RPS6KC1: variants seen among roughly 807,000 people sequenced by gnomAD.
The protein encoded by RPS6KC1 is ribosomal protein S6 kinase C1, also known as inactive ribosomal protein S6 kinase delta-1.
A neutral mutation model predicts 103.8 loss-of-function variants in RPS6KC1; 54 were observed. The observed-to-expected ratio is 0.52, with a 90% CI of 0.42 to 0.65. The LOEUF is 0.65. RPS6KC1 is among the 30% of genes least tolerant of loss of function. The pLI is 0.00. For missense variants in RPS6KC1, 1,151 were observed against 1,253.8 expected (o/e 0.92, Z 1.24); for synonymous variants, 439 against 438.7 (o/e 1.00, Z -0.01).
the RPS6KC1 span, among the ~76,000 whole-genome samples, chr1:213,585,190 A>G: frequency 4.6e-5 from 7 of 152,192 alleles, no homozygotes; most frequent in Non-Finnish European, 1.0e-4. Flanking sequence ...AGCCTGGCAT[A>G]TAGCTAGCGC....
chr1:213,488,746 C>G, the RPS6KC1 span, among the ~76,000 whole-genome samples: 1 of 152,142 alleles, frequency 6.6e-6, no homozygotes, highest in Non-Finnish European at 1.5e-5. Flanking sequence ...CCCATTTGTC[C>G]CAAACTGACA....
At chr1:213,671,836 A>T in the RPS6KC1 span, among the ~76,000 whole-genome samples, 42,314 of 152,032 alleles carry the variant, frequency 0.28, 6,649 homozygotes, top group East Asian at 0.53. Context: ...TAACTATTCA[A>T]GGGGATGGAT....
the RPS6KC1 span, among the ~76,000 whole-genome samples, chr1:213,749,996 T>C: frequency 6.6e-6 from 1 of 152,342 alleles, no homozygotes; most frequent in African/African-American, 2.4e-5. Context: ...CTGACTTATC[T>C]TCCCAAAGAT....
the RPS6KC1 span, among the ~76,000 whole-genome samples, chr1:213,677,895 A>C: frequency 6.6e-6 from 1 of 151,992 alleles, no homozygotes; most frequent in African/African-American, 2.4e-5. Flanking sequence ...AATCCCAGCT[A>C]CTCGGGAGGC....
chr1:213,369,054 G>A, the RPS6KC1 span, among the ~76,000 whole-genome samples: 2 of 152,188 alleles, frequency 1.3e-5, no homozygotes, highest in Non-Finnish European at 2.9e-5. Context: ...TTGTCTATAA[G>A]CTTCTGAGAT....
chr1:213,831,828 A>G, the RPS6KC1 span, among the ~76,000 whole-genome samples: 2 of 152,166 alleles, frequency 1.3e-5, no homozygotes, highest in Non-Finnish European at 2.9e-5. Context: ...TAAAAAGTTG[A>G]CAAAGTGCAG....
the RPS6KC1 span, among the ~76,000 whole-genome samples, chr1:213,560,262 G>A: frequency 6.6e-6 from 1 of 152,206 alleles, no homozygotes; most frequent in Non-Finnish European, 1.5e-5. Context: ...AGATTAAGTA[G>A]ATGAGCCTGA....
intron 4 of RPS6KC1, among the ~76,000 whole-genome samples, chr1:213,113,293 T>C (rs1386090663): frequency 6.6e-6 from 1 of 152,048 alleles, no homozygotes; most frequent in Non-Finnish European, 1.5e-5. Flanking sequence ...TGGTTTTGAT[T>C]TGCATTTCTC....
At chr1:213,431,331 G>A in the RPS6KC1 span, among the ~76,000 whole-genome samples, 1 of 152,102 alleles carries the variant, frequency 6.6e-6, no homozygotes, top group African/African-American at 2.4e-5. Flanking sequence ...CAAGTATACG[G>A]AAAAGTACAT....
At chr1:213,224,226 A>G (rs1355558543) in intron 8 of RPS6KC1, among the ~76,000 whole-genome samples, 1 of 152,132 alleles carries the variant, frequency 6.6e-6, no homozygotes, top group Non-Finnish European at 1.5e-5. Flanking sequence ...GTCCTTTCTT[A>G]ATTCTAGTTA....
chr1:213,444,455 A>C, the RPS6KC1 span, among the ~76,000 whole-genome samples: 1 of 152,342 alleles, frequency 6.6e-6, no homozygotes, highest in East Asian at 1.9e-4. Context: ...AGTCTCCTCC[A>C]TGTGAGCTGC....
chr1:213,290,719 C>G, the RPS6KC1 span, among the ~76,000 whole-genome samples: 1 of 152,226 alleles, frequency 6.6e-6, no homozygotes, highest in Middle Eastern at 3.4e-3. Context: ...AAGCTGGTTG[C>G]TCCAAAGTAA....
chr1:213,130,420 T>G (rs952082577), intron 6 of RPS6KC1, among the ~76,000 whole-genome samples: 81 of 152,216 alleles, frequency 5.3e-4, no homozygotes, highest in African/African-American at 1.9e-3. Flanking sequence ...CTTACTTTTT[T>G]GAAGTATCAG....
chr1:213,321,187 G>A, the RPS6KC1 span, among the ~76,000 whole-genome samples: 4,872 of 152,264 alleles, frequency 0.032, 266 homozygotes, highest in African/African-American at 0.11. Flanking sequence ...CCTTTCAGAG[G>A]GTGATGGGCT....
chr1:213,703,043 G>A, the RPS6KC1 span, among the ~76,000 whole-genome samples: 3 of 151,908 alleles, frequency 2.0e-5, no homozygotes, highest in African/African-American at 7.2e-5. Context: ...TTTAGTACAA[G>A]TGATTTTCTC....
chr1:213,103,692 A>C (rs2082218771), intron 3 of RPS6KC1, among the ~76,000 whole-genome samples: 1 of 152,170 alleles, frequency 6.6e-6, no homozygotes, highest in African/African-American at 2.4e-5. Context: ...TTATGTGGTG[A>C]TGCTACTTTT....
At chr1:213,630,819 A>G in the RPS6KC1 span, among the ~76,000 whole-genome samples, 3 of 152,182 alleles carry the variant, frequency 2.0e-5, no homozygotes, top group Non-Finnish European at 4.4e-5. Context: ...CTGCAGGTCT[A>G]TTGGAGTTTG....
At chr1:213,434,109 C>CA in the RPS6KC1 span, among the ~76,000 whole-genome samples, 8,107 of 133,364 alleles carry the variant, frequency 0.061, 244 homozygotes, top group South Asian at 0.11. Context: ...TGCAGATAAG[C>CA]AAAAAAAAAA....
chr1:213,269,553 A>G (rs1471469318), intron 14 of RPS6KC1, among the ~76,000 whole-genome samples: 1 of 152,222 alleles, frequency 6.6e-6, no homozygotes, highest in Non-Finnish European at 1.5e-5. Context: ...ATTTAAAGGA[A>G]TTGAATTCAT....
Sources: allele counts gnomAD v4.1 joint callset (sites outside exome capture counted in the v4.1 genomes callset), GRCh38; gene constraint gnomAD v4.1.1; transcripts MANE v1.5; gene names NCBI Gene and HGNC (gene_info 2026-07-23, HGNC 2026-07-21).